The following NEK4 variants were observed in gnomAD, a reference collection of about 807,000 sequenced individuals.
NEK4 encodes the protein serine/threonine-protein kinase Nek4.
NEK4 carries 86 observed loss-of-function variants against 98.4 expected under a neutral mutation model. That is an observed-to-expected ratio of 0.87 (90% confidence interval 0.73 to 1.05). NEK4 has a LOEUF of 1.05. Ranked by LOEUF, NEK4 falls within the 50% of genes least tolerant of loss-of-function variation. NEK4 has a pLI of 0.00. For missense variants in NEK4, 898 were observed against 950.3 expected (o/e 0.94, Z 0.72); for synonymous variants, 328 against 342.2 (o/e 0.96, Z 0.46).
At chr3:52,758,713 T>C (rs1056645446) in intron 6 of NEK4, among the ~76,000 whole-genome samples, 5 of 150,254 alleles carry the variant, frequency 3.3e-5, no homozygotes, top group Non-Finnish European at 5.9e-5. Context: ...ATGGAGAAAA[T>C]ACTTGCAAGT....
At chr3:52,724,486 C>A (rs568426173) in intron 15 of NEK4, among the ~76,000 whole-genome samples, 3 of 152,234 alleles carry the variant, frequency 2.0e-5, no homozygotes, top group Non-Finnish European at 4.4e-5. Flanking sequence ...CAAGACATTT[C>A]CAGATAAATC....
intron 7 of NEK4, among the ~76,000 whole-genome samples, chr3:52,751,619 C>T (rs895253258): frequency 1.3e-5 from 2 of 149,476 alleles, no homozygotes; most frequent in African/African-American, 5.0e-5. Flanking sequence ...GAAACTCTGT[C>T]TCAAAAAAAA....
chr3:52,741,410 C>G lies in NEK4; in HGVS notation c.2093+1G>C. 6.3e-7 allele frequency: 1 copy of G among 1,575,658 alleles called. No homozygotes were observed. Among genetic ancestry groups the G allele is most frequent in the Non-Finnish European group, 8.7e-7 (1 of 1,145,642 alleles). ...AGGGAGACAGAAAAACAAGAACTTA[C>G]CCTTCCCCGTAATCCCCATCTGACT... On this transcript the variant is annotated splice_donor_variant, in intron 13 of 15. Transcript: ENST00000233027. LOFTEE classifies it high-confidence loss of function.
rs10528307 is a variant in NEK4, at chr3:52,724,232, A to AACAC, written c.2434-12367_2434-12364dup. On this transcript the variant is annotated intron_variant, in intron 15 of 15. Transcript: ENST00000233027. The stretch of plus-strand genomic sequence containing the variant: ...TGGGGACAGTGAGACTTTGTCTTAA[A>AACAC]ACACACACACACACACACACACACA... Among the ~76,000 whole-genome samples the AACAC allele has an allele frequency of 9.0e-3, 1,314 of 145,298 alleles. 19 individuals carry two copies. The highest frequency in any genetic ancestry group is 0.029 in the African/African-American group (1,125 of 38,496).
chr3:52,753,913 T>TA (rs1220030380), intron 6 of NEK4: 2 of 337,978 alleles, frequency 5.9e-6, no homozygotes, highest in Non-Finnish European at 1.2e-5. Context: ...CTCACACCTA[T>TA]AATCCCAGCA....
intron 6 of NEK4, chr3:52,753,385 C>A: frequency 5.7e-6 from 2 of 349,306 alleles, no homozygotes; most frequent in South Asian, 2.2e-5. Flanking sequence ...GCCGCTGGGC[C>A]ACAAAGGTGA....
intron 15 of NEK4, among the ~76,000 whole-genome samples, chr3:52,727,709 G>C (rs1184036160): frequency 6.6e-6 from 1 of 152,184 alleles, no homozygotes; most frequent in African/African-American, 2.4e-5. Flanking sequence ...GACCTCAAGT[G>C]ATCCACCCAC....
intron 8 of NEK4, among the ~76,000 whole-genome samples, chr3:52,748,560 A>C (rs1478947148): frequency 6.6e-6 from 1 of 152,204 alleles, no homozygotes; most frequent in Non-Finnish European, 1.5e-5. Flanking sequence ...TTTAATACAA[A>C]TTTATTTCCC....
At chr3:52,765,390 T>A (rs978301581) in intron 4 of NEK4, among the ~76,000 whole-genome samples, 1 of 150,810 alleles carries the variant, frequency 6.6e-6, no homozygotes, top group South Asian at 2.1e-4. Context: ...TAATGATACA[T>A]GGATGCCTGA....
chr3:52,746,838 T>C lies in NEK4; in HGVS notation c.1573A>G (p.Asn525Asp). 3 of 1,614,098 alleles carry C rather than the reference T, an allele frequency of 1.9e-6. No individual in the cohort carries two copies. Among genetic ancestry groups the C allele is most frequent in the East Asian group, 2.2e-5 (1 of 44,870 alleles). Residue 525 changes from asparagine to aspartate, a missense_variant, in exon 9 of 16, where the codon AAC becomes GAC. Asn to Asp is a conservative substitution (Grantham distance 23). Coordinates refer to ENST00000233027, the MANE Select transcript of NEK4 (RefSeq NM_003157.6). ...GRIHPDLQPH[N>D]SGSEPSLSRQ... ...GACAGGGAAGGTTCAGACCCAGAGT[T>C]GTGTGGCTGTAAATCTGGGTGGATT...
At chr3:52,770,631 TG>T in intron 1 of NEK4, 22 bp downstream of exon 1, 3 of 1,496,734 alleles carry the variant, frequency 2.0e-6, no homozygotes, top group Non-Finnish European at 2.7e-6. Flanking sequence ...CCCCGCCCCT[TG>T]CCGGGCCCCA....
At chr3:52,768,654 G>A (rs1302429512) in intron 1 of NEK4, 50 bp from the exon 2 acceptor site, 1 of 1,582,216 alleles carries the variant, frequency 6.3e-7, no homozygotes, top group Admixed American at 1.7e-5. Flanking sequence ...CGTAAGATTT[G>A]TGGCCTCAGA....
intron 15 of NEK4, among the ~76,000 whole-genome samples, chr3:52,735,513 A>G (rs2097374695): frequency 6.6e-6 from 1 of 152,236 alleles, no homozygotes; most frequent in Non-Finnish European, 1.5e-5. Context: ...AATGTAGTTA[A>G]AGTCTGTGTT....
At position 52,711,791 on chromosome 3, in the gene NEK4, T is replaced by C. The variant is rs1553913836; in HGVS notation, c.2512A>G (p.Asn838Asp). The C allele has an allele frequency of 6.2e-7, 1 of 1,607,554 alleles. No individual in the cohort carries two copies. Among genetic ancestry groups the C allele is most frequent in the Non-Finnish European group, 8.5e-7 (1 of 1,174,988 alleles). Residue 838 changes from asparagine (N) to aspartate (D), a missense_variant, in exon 16 of 16, where the codon AAC becomes GAC. By Grantham distance (23) the Asn-to-Asp change is conservative. Coordinates refer to ENST00000233027, the MANE Select transcript of NEK4 (RefSeq NM_003157.6). ...AGGACAAATGCTCAAAAATTCATGT[T>C]TTCTTCAAAAAATTTCAACTGGCGA... is the stretch of plus-strand genomic sequence containing the variant. The part of the protein sequence containing the change: ...KARQLKFFEE[N>D]MNF
rs201010754 is a variant in NEK4, at chr3:52,726,152, CAATT to C, written c.2433+11430_2433+11433del. Among the ~76,000 whole-genome samples the C allele has an allele frequency of 5.2e-3, 784 of 152,180 alleles. 10 individuals are homozygous for C. The highest frequency in any genetic ancestry group is 0.018 in the African/African-American group (749 of 41,530). On this transcript the variant is annotated intron_variant, in intron 15 of 15. Coordinates refer to ENST00000233027, the MANE Select transcript of NEK4 (RefSeq NM_003157.6). The stretch of plus-strand genomic sequence containing the variant: ...GACATATACAGCAAGAAGATTAGAA[CAATT>C]ATTAACATTTATGCACCTAAATGTA...
rs548949110 is a variant in NEK4, at chr3:52,741,179, T to C, written c.2093+232A>G. On this transcript the variant is annotated intron_variant, in intron 13 of 15. Coordinates refer to ENST00000233027, the MANE Select transcript of NEK4 (RefSeq NM_003157.6). ...TGAACCCGGGAGGCGGAGCTTGCAG[T>C]GAGCGGAGATTGTGCCACTGCACTC... Among the ~76,000 whole-genome samples, 4 of 139,214 alleles carry C rather than the reference T, an allele frequency of 2.9e-5. No homozygotes were observed. The South Asian group carries it at 8.7e-4, about 30-fold the overall frequency. The allele number at this position is 139,214 out of a possible 152,430, so 91.3% of individuals were successfully genotyped here. A position where few individuals can be genotyped will look rare whatever the true frequency, so the allele number is the denominator to read the frequency against.
At chr3:52,758,570 A>G (rs1698221264) in intron 6 of NEK4, among the ~76,000 whole-genome samples, 1 of 152,110 alleles carries the variant, frequency 6.6e-6, no homozygotes, top group South Asian at 2.1e-4. Flanking sequence ...AAAAAAATAG[A>G]TAAACTGGAC....
intron 15 of NEK4, among the ~76,000 whole-genome samples, chr3:52,725,945 C>A (rs1004420000): frequency 1.3e-5 from 2 of 151,806 alleles, no homozygotes; most frequent in African/African-American, 4.8e-5. Context: ...TAAAAAAACC[C>A]AGAATCCACC....
chr3:52,755,095 G>GA (rs1447635640), intron 6 of NEK4, among the ~76,000 whole-genome samples: 3 of 115,006 alleles, frequency 2.6e-5, no homozygotes, highest in Admixed American at 8.9e-5. Context: ...AAAGAAAAAA[G>GA]AAAAACAAAA....
Sources: gnomAD v4.1 joint callset for allele counts (sites outside exome capture counted in the v4.1 genomes callset) on GRCh38, gnomAD v4.1.1 for gene constraint, MANE v1.5 for transcripts, NCBI Gene and HGNC (gene_info 2026-07-23, HGNC 2026-07-21) for gene names.